PTPRE: variants seen among roughly 807,000 people sequenced by gnomAD.
The protein encoded by PTPRE is receptor-type tyrosine-protein phosphatase epsilon.
In PTPRE, 51 loss-of-function variants were observed where a neutral mutation model predicts 102.0. That is an observed-to-expected ratio of 0.50 (90% CI 0.40 to 0.63). The LOEUF is 0.63. Among genes scored for constraint, PTPRE ranks in the 30% least tolerant of loss-of-function variants. PTPRE has a pLI of 0.00. For synonymous variants in PTPRE, 345 were observed against 348.2 expected (o/e 0.99, Z 0.10); for missense variants, 752 against 915.1 (o/e 0.82, Z 2.30).
At chr10:127,942,200 T>A (rs4751552) in intron 1 of PTPRE, among the ~76,000 whole-genome samples, 48,706 of 151,944 alleles carry the variant, frequency 0.32, 8,161 homozygotes, top group East Asian at 0.42. Flanking sequence ...GATATCCAGG[T>A]AGATGGTTTA....
In PTPRE at chr10:128,067,083, GGCACACACATGCACACACAC is replaced by G. The variant is rs1295518647; in HGVS notation, c.843+897_843+916del. On this transcript the variant is annotated intron_variant, in intron 11 of 20. Transcript: ENST00000254667. ...ACATGCACACGTACACCCACACACA[GGCACACACATGCACACACAC>G]GCACACAACCGTACAATGCATGCAC... Among the ~76,000 whole-genome samples the G allele has an allele frequency of 3.5e-5, 5 of 143,924 alleles. No homozygotes were observed. In the East Asian group the frequency reaches 1.0e-3, roughly 30 times the overall value. 94.4% of individuals were successfully genotyped at this position (143,924 alleles called of 152,430 possible). A position where few individuals can be genotyped will look rare whatever the true frequency, so the allele number is the denominator to read the frequency against.
chr10:128,063,034 G>A, intron 9 of PTPRE, 49 bp from the exon 10 acceptor site: 1 of 1,609,162 alleles, frequency 6.2e-7, no homozygotes, highest in Non-Finnish European at 8.5e-7. Context: ...GGACCCCAAA[G>A]GGACTTCCCT....
intron 1 of PTPRE, among the ~76,000 whole-genome samples, chr10:127,942,351 GTA>G (rs1848310317): frequency 6.6e-6 from 1 of 152,208 alleles, no homozygotes. Flanking sequence ...AATTTTTAAA[GTA>G]TGTTTTTCTT....
rs193029552 is a variant in PTPRE, at chr10:127,979,083, G to C, written c.-30-3191G>C. Among the ~76,000 whole-genome samples, 14 of 152,240 alleles carry C rather than the reference G, an allele frequency of 9.2e-5. No individual in the cohort carries two copies. The East Asian group carries it at 2.5e-3, about 27-fold the overall frequency. ...AAGTGGGTCTTGCCTTACCTACTAG[G>C]ATAGTTGTTAGATGTGGGAGAGATG... On this transcript the variant is annotated intron_variant, in intron 1 of 20. Transcript: ENST00000254667.
intron 1 of PTPRE, among the ~76,000 whole-genome samples, chr10:127,920,253 G>A (rs1007581488): frequency 1.3e-5 from 2 of 152,210 alleles, no homozygotes; most frequent in African/African-American, 4.8e-5. Flanking sequence ...CATTTGTGAA[G>A]GCTGGAAAGC....
intron 1 of PTPRE, among the ~76,000 whole-genome samples, chr10:127,978,151 T>C (rs1589886079): frequency 6.6e-6 from 1 of 152,152 alleles, no homozygotes; most frequent in East Asian, 1.9e-4. Flanking sequence ...CAGAATGCCT[T>C]TCCTACACCA....
chr10:127,931,633 G>A (rs1170872460), intron 1 of PTPRE, among the ~76,000 whole-genome samples: 2 of 152,096 alleles, frequency 1.3e-5, no homozygotes, highest in South Asian at 2.1e-4. Context: ...AAACTCTACC[G>A]CCCCCTTTGC....
At chr10:128,078,457 C>T (rs186171139) in intron 19 of PTPRE, among the ~76,000 whole-genome samples, 25 of 152,354 alleles carry the variant, frequency 1.6e-4, no homozygotes, top group Non-Finnish European at 3.2e-4. Flanking sequence ...TGGCAGGGAC[C>T]TCGACACCCG....
At chr10:128,022,175 C>T (rs1053045728) in intron 2 of PTPRE, among the ~76,000 whole-genome samples, 1 of 152,178 alleles carries the variant, frequency 6.6e-6, no homozygotes, top group Non-Finnish European at 1.5e-5. Context: ...TTACCATGTT[C>T]GGAAGCCCTG....
At chr10:127,921,358 T>A (rs879471747) in intron 1 of PTPRE, among the ~76,000 whole-genome samples, 1 of 151,950 alleles carries the variant, frequency 6.6e-6, no homozygotes, top group African/African-American at 2.4e-5. Context: ...AGACCAATAA[T>A]CCCCAAGACG....
chr10:128,059,992 A>T (rs1590179589), intron 7 of PTPRE, among the ~76,000 whole-genome samples: 1 of 151,042 alleles, frequency 6.6e-6, no homozygotes, highest in East Asian at 1.9e-4. Context: ...TAACGCACAC[A>T]CATACACACT....
At chr10:127,910,313 T>C (rs1845780616) in intron 1 of PTPRE, among the ~76,000 whole-genome samples, 1 of 152,114 alleles carries the variant, frequency 6.6e-6, no homozygotes, top group Non-Finnish European at 1.5e-5. Flanking sequence ...TTTATTTCCA[T>C]CTTAGAAACT....
chr10:128,045,066 C>G (rs1450212844), intron 3 of PTPRE, among the ~76,000 whole-genome samples: 1 of 152,242 alleles, frequency 6.6e-6, no homozygotes, highest in African/African-American at 2.4e-5. Context: ...CTCCCCACAC[C>G]ACCCAGGGAT....
At chr10:128,077,859 G>A (rs896669123) in intron 19 of PTPRE, 76 bp downstream of exon 19, 8 of 1,491,892 alleles carry the variant, frequency 5.4e-6, no homozygotes, top group Non-Finnish European at 5.4e-6. Flanking sequence ...GCTGTGGGCA[G>A]CAGAGCCTGG....
rs1183781837 is a variant in PTPRE, at chr10:128,018,732, C to T, written c.-7-22143C>T. On this transcript the variant is annotated intron_variant, in intron 2 of 20. Transcript: ENST00000254667. ...TCCCAGATCAGCACCCTCAGGAAAC[C>T]TCAAGAGTTGAAAACCAAGACAGCC... is the stretch of plus-strand genomic sequence containing the variant. Among the ~76,000 whole-genome samples the T allele has an allele frequency of 4.6e-5, 7 of 152,186 alleles. No homozygotes were observed. The East Asian group carries it at 1.3e-3, about 29-fold the overall frequency.
chr10:128,004,010 T>TG (rs1854253700), intron 2 of PTPRE, among the ~76,000 whole-genome samples: 1 of 151,138 alleles, frequency 6.6e-6, no homozygotes, highest in African/African-American at 2.4e-5. Context: ...TACACATGAG[T>TG]GGGTGCCTCA....
intron 2 of PTPRE, among the ~76,000 whole-genome samples, chr10:128,004,787 A>C (rs926440240): frequency 3.9e-4 from 59 of 152,182 alleles, no homozygotes; most frequent in African/African-American, 1.2e-3. Flanking sequence ...ACATCATTTT[A>C]TGGTTAAATT....
intron 6 of PTPRE, among the ~76,000 whole-genome samples, chr10:128,050,799 T>C (rs1017683029): frequency 2.0e-5 from 3 of 152,148 alleles, no homozygotes; most frequent in African/African-American, 7.2e-5. Flanking sequence ...GCTCAGACAA[T>C]GGATTTTGTA....
chr10:127,909,330 A>C (rs935273289), intron 1 of PTPRE, among the ~76,000 whole-genome samples: 1 of 152,164 alleles, frequency 6.6e-6, no homozygotes, highest in Non-Finnish European at 1.5e-5. Context: ...GTGATGGTAG[A>C]TGCATCAGTT....
Sources: allele counts gnomAD v4.1 joint callset (sites outside exome capture counted in the v4.1 genomes callset), GRCh38; gene constraint gnomAD v4.1.1; transcripts MANE v1.5; gene names NCBI Gene and HGNC (gene_info 2026-07-23, HGNC 2026-07-21).